UBXN7: variants seen among roughly 807,000 people sequenced by gnomAD.
UBXN7 encodes the protein UBX domain-containing protein 7.
A neutral mutation model predicts 58.0 loss-of-function variants in UBXN7; 9 were observed. The observed-to-expected ratio is 0.16, with a 90% CI of 0.09 to 0.27. The LOEUF (loss-of-function observed/expected upper bound fraction) is 0.27. Ranked by LOEUF, UBXN7 falls within the 10% of genes least tolerant of loss-of-function variation. The pLI is 1.00. For synonymous variants in UBXN7, 208 were observed against 205.0 expected (o/e 1.01, Z -0.12); for missense variants, 328 against 599.6 (o/e 0.55, Z 4.73).
intron 2 of UBXN7, 122 bp downstream of exon 2, chr3:196,407,124 T>G: frequency 1.4e-6 from 2 of 1,392,556 alleles, no homozygotes; most frequent in Middle Eastern, 2.0e-4. Context: ...ACTTCATACT[T>G]TTTCAGAGGC....
intron 5 of UBXN7, among the ~76,000 whole-genome samples, chr3:196,372,327 C>CTCTCTCTCTCTCTCTCTCTCTCTCA (rs1560222230): frequency 1.1e-5 from 1 of 90,284 alleles, no homozygotes; most frequent in Non-Finnish European, 2.5e-5. Flanking sequence ...TCTCTCTCTC[C>CTCTCTCTCTCTCTCTCTCTCTCTCA]TTTCTTTCTT....
chr3:196,368,988 A>G (rs920320257), intron 7 of UBXN7, among the ~76,000 whole-genome samples: 1 of 152,004 alleles, frequency 6.6e-6, no homozygotes, highest in Non-Finnish European at 1.5e-5. Flanking sequence ...ATGCCCGGCT[A>G]ATTTTTTTTG....
In UBXN7 at chr3:196,355,036, T is replaced by C. The variant is rs910912281; in HGVS notation, c.*1649A>G. 7.2e-5 allele frequency: 11 copies of C among 152,080 alleles called. No homozygotes were observed. The highest frequency in any genetic ancestry group is 4.6e-4 in the Admixed American group (7 of 15,262). The allele number at this position is 152,080 out of a possible 1,614,324, so 9.4% of individuals were successfully genotyped here. ...CTCAAAATTCAACCATTAGAAACCA[T>C]ATCCTATAACTGTGTACTAGCAACA... On this transcript the variant is annotated 3_prime_UTR_variant, in exon 11 of 11. Coordinates refer to ENST00000296328, the MANE Select transcript of UBXN7 (RefSeq NM_015562.2).
chr3:196,398,108 C>T (rs147665952), intron 3 of UBXN7, among the ~76,000 whole-genome samples: 1 of 152,286 alleles, frequency 6.6e-6, no homozygotes, highest in East Asian at 1.9e-4. Context: ...TTTTGGGCTG[C>T]CCTCTCTGGC....
intron 5 of UBXN7, among the ~76,000 whole-genome samples, chr3:196,382,008 G>A (rs1460158409): frequency 3.3e-5 from 5 of 152,148 alleles, no homozygotes; most frequent in South Asian, 4.1e-4. Flanking sequence ...CCAAATCTAC[G>A]TTTGATTGGT....
chr3:196,410,539 G>A (rs1730292567), intron 1 of UBXN7, among the ~76,000 whole-genome samples: 1 of 152,092 alleles, frequency 6.6e-6, no homozygotes, highest in South Asian at 2.1e-4. Flanking sequence ...ATCACTTCAT[G>A]GCAGCCAGGC....
At position 196,356,565 on chromosome 3, in the gene UBXN7, G is replaced by C. The variant is rs964016074; in HGVS notation, c.*120C>G. 3 of 1,033,450 alleles carry C rather than the reference G, an allele frequency of 2.9e-6. No homozygotes were observed. Among genetic ancestry groups the C allele is most frequent in the Non-Finnish European group, 4.2e-6 (3 of 714,732 alleles). 64.0% of individuals were successfully genotyped at this position (1,033,450 alleles called of 1,614,324 possible). A position where few individuals can be genotyped will look rare whatever the true frequency, so the allele number is the denominator to read the frequency against. ...AGAGATCAAGAAATAAGAGAAGGAA[G>C]GTGACTTGCTTGCCCAACTTTGGCT... is the stretch of plus-strand genomic sequence containing the variant. On this transcript the variant is annotated 3_prime_UTR_variant, in exon 11 of 11. Coordinates refer to ENST00000296328, the MANE Select transcript of UBXN7 (RefSeq NM_015562.2).
intron 5 of UBXN7, among the ~76,000 whole-genome samples, chr3:196,372,343 C>CTTTTTTT (rs894793736): frequency 2.8e-5 from 3 of 107,518 alleles, no homozygotes; most frequent in Non-Finnish European, 4.1e-5. Flanking sequence ...TTCTTTCTTT[C>CTTTTTTT]TTTTTTTTTT....
intron 10 of UBXN7, 86 bp from the exon 11 acceptor site, chr3:196,356,932 T>G: frequency 6.8e-7 from 1 of 1,461,982 alleles, no homozygotes; most frequent in South Asian, 1.3e-5. Flanking sequence ...CATTCTCTTT[T>G]TAATCATATT....
At chr3:196,388,474 T>G (rs1198617265) in intron 5 of UBXN7, among the ~76,000 whole-genome samples, 1 of 66,324 alleles carries the variant, frequency 1.5e-5, no homozygotes, top group African/African-American at 3.9e-5. Context: ...CTACTGTTTG[T>G]TTTTTTTTTT....
chr3:196,359,604 A>C (rs1207886344), intron 10 of UBXN7, among the ~76,000 whole-genome samples: 1 of 152,216 alleles, frequency 6.6e-6, no homozygotes, highest in Non-Finnish European at 1.5e-5. Flanking sequence ...TACTCCAGTG[A>C]ACACACAAAT....
At chr3:196,364,085 T>C (rs1035379459) in intron 8 of UBXN7, among the ~76,000 whole-genome samples, 1 of 152,230 alleles carries the variant, frequency 6.6e-6, no homozygotes, top group African/African-American at 2.4e-5. Context: ...ACTGCATTCT[T>C]CAACTAGTAA....
intron 5 of UBXN7, among the ~76,000 whole-genome samples, chr3:196,380,783 C>T (rs1443736619): frequency 6.6e-6 from 1 of 152,258 alleles, no homozygotes; most frequent in African/African-American, 2.4e-5. Flanking sequence ...ACCCAAATAC[C>T]GCATTTTTCC....
At position 196,373,628 on chromosome 3, in the gene UBXN7, CTGAGAA is replaced by C. The variant is rs553748174; in HGVS notation, c.469-1592_469-1587del. 5.3e-3 allele frequency among the ~76,000 whole-genome samples: 811 copies of C among 152,308 alleles called. 8 individuals carry two copies. Among genetic ancestry groups the C allele is most frequent in the Non-Finnish European group, 8.5e-3 (576 of 68,024 alleles). ...TTTGTGGGTACTGAAAAATGTGAGA[CTGAGAA>C]TATCTTCTGTTTTAAGAAGGTCTAC... On this transcript the variant is annotated intron_variant, in intron 5 of 10. Coordinates refer to ENST00000296328, the MANE Select transcript of UBXN7 (RefSeq NM_015562.2).
intron 6 of UBXN7, among the ~76,000 whole-genome samples, chr3:196,371,472 A>C (rs1300378589): frequency 1.3e-5 from 2 of 152,112 alleles, no homozygotes; most frequent in African/African-American, 2.4e-5. Flanking sequence ...TCTACTGAAC[A>C]GTACAGTTTG....
intron 5 of UBXN7, among the ~76,000 whole-genome samples, chr3:196,390,192 C>T (rs1031343911): frequency 6.6e-6 from 1 of 151,606 alleles, no homozygotes; most frequent in African/African-American, 2.4e-5. Flanking sequence ...GCACTCCATC[C>T]CAGGTGACAG....
chr3:196,387,849 T>A (rs1374698628), intron 5 of UBXN7, among the ~76,000 whole-genome samples: 1 of 151,678 alleles, frequency 6.6e-6, no homozygotes, highest in Non-Finnish European at 1.5e-5. Context: ...TTGGTGGGAG[T>A]GTAAATTAGT....
chr3:196,432,067 G>A, intron 1 of UBXN7: 1 of 608,170 alleles, frequency 1.6e-6, no homozygotes, highest in South Asian at 1.8e-5. Context: ...CCCATTCCCA[G>A]GTCTGGGCTG....
chr3:196,415,155 T>TC (rs1242962706), intron 1 of UBXN7, among the ~76,000 whole-genome samples: 3 of 143,958 alleles, frequency 2.1e-5, no homozygotes, highest in Non-Finnish European at 3.1e-5. Flanking sequence ...TCATACTTCT[T>TC]TTTTTTTTTT....
Sources: allele counts gnomAD v4.1 joint callset (sites outside exome capture counted in the v4.1 genomes callset), GRCh38; gene constraint gnomAD v4.1.1; transcripts MANE v1.5; gene names NCBI Gene and HGNC (gene_info 2026-07-23, HGNC 2026-07-21).